The following ARHGEF3 variants were observed in gnomAD, a reference collection of about 807,000 sequenced individuals.
ARHGEF3 encodes the protein Rho guanine nucleotide exchange factor 3, also known as 59.8 kDA protein.
ARHGEF3 carries 28 observed loss-of-function variants against 63.2 expected under a neutral mutation model. The ratio of observed to expected loss-of-function variants is 0.44; its 90% CI spans 0.33 to 0.61. The LOEUF (loss-of-function observed/expected upper bound fraction) is 0.61. ARHGEF3 is among the 20% of genes least tolerant of loss of function. The pLI is 0.03. For synonymous variants in ARHGEF3, 266 were observed against 254.2 expected (o/e 1.05, Z -0.44); for missense variants, 533 against 659.3 (o/e 0.81, Z 2.10).
intron 2 of ARHGEF3, among the ~76,000 whole-genome samples, chr3:57,028,745 G>C (rs1240098556): frequency 8.8e-6 from 1 of 113,376 alleles, no homozygotes; most frequent in African/African-American, 3.5e-5. Context: ...TTCCTCATCT[G>C]TAAAACGGGG....
At chr3:56,904,977 T>C (rs2041638791) in intron 3 of ARHGEF3, among the ~76,000 whole-genome samples, 1 of 152,186 alleles carries the variant, frequency 6.6e-6, no homozygotes, top group Non-Finnish European at 1.5e-5. Flanking sequence ...TGCTCTTTAA[T>C]ACACCGAATA....
intron 3 of ARHGEF3, among the ~76,000 whole-genome samples, chr3:56,910,302 T>G (rs2041821979): frequency 6.6e-6 from 1 of 152,216 alleles, no homozygotes; most frequent in African/African-American, 2.4e-5. Flanking sequence ...AAGACCCATA[T>G]TTTGGCCACC....
chr3:56,830,335 G>A (rs2038887501), intron 4 of ARHGEF3, among the ~76,000 whole-genome samples: 1 of 152,056 alleles, frequency 6.6e-6, no homozygotes, highest in Non-Finnish European at 1.5e-5. Context: ...CGTGTGCTAA[G>A]TATTTCCCAC....
At position 56,829,973 on chromosome 3, in the gene ARHGEF3, C is replaced by T. The variant is rs138124366; in HGVS notation, c.192+52319G>A. 4.3e-3 allele frequency among the ~76,000 whole-genome samples: 660 copies of T among 152,300 alleles called. 7 individuals carry two copies. The highest frequency in any genetic ancestry group is 0.015 in the African/African-American group (621 of 41,538). The stretch of plus-strand genomic sequence containing the variant: ...AGTTTAGGATTTACTATCCGATGAT[C>T]GTGTTATGGCACTTCACAATGTCCT... On this transcript the variant is annotated intron_variant, in intron 4 of 12. Coordinates refer to the ARHGEF3 transcript ENST00000338458.
chr3:56,737,664 A>G (rs188903203), intron 7 of ARHGEF3, among the ~76,000 whole-genome samples: 63 of 152,334 alleles, frequency 4.1e-4, no homozygotes, highest in Non-Finnish European at 8.4e-4. Context: ...TCCAGGCTGC[A>G]TATTTCTTAA....
intron 4 of ARHGEF3, among the ~76,000 whole-genome samples, chr3:56,826,940 A>AT (rs1027824679): frequency 2.0e-5 from 3 of 151,932 alleles, no homozygotes; most frequent in East Asian, 3.8e-4. Context: ...TTATTTTTTA[A>AT]TTTTTTTTCA....
intron 3 of ARHGEF3, among the ~76,000 whole-genome samples, chr3:56,935,552 T>C (rs1326158648): frequency 6.6e-6 from 1 of 152,124 alleles, no homozygotes; most frequent in East Asian, 1.9e-4. Context: ...ATCTGCAGCT[T>C]CACTCCTGAG....
intron 6 of ARHGEF3, among the ~76,000 whole-genome samples, chr3:56,746,848 C>G (rs1021417293): frequency 6.6e-6 from 1 of 152,084 alleles, no homozygotes; most frequent in Non-Finnish European, 1.5e-5. Context: ...TGACTGAAAC[C>G]ATAAAAAGGA....
At chr3:57,069,972 A>C (rs1705794167) in intron 1 of ARHGEF3, among the ~76,000 whole-genome samples, 1 of 152,120 alleles carries the variant, frequency 6.6e-6, no homozygotes, top group Non-Finnish European at 1.5e-5. Context: ...ATGTGATATT[A>C]CTCCCTTTTT....
intron 4 of ARHGEF3, among the ~76,000 whole-genome samples, chr3:56,875,279 G>A (rs1430174371): frequency 6.6e-6 from 1 of 152,116 alleles, no homozygotes. Context: ...CATAAGGAAG[G>A]ACTCTATAGC....
At chr3:56,989,960 C>T (rs150187695) in intron 2 of ARHGEF3, among the ~76,000 whole-genome samples, 41 of 152,314 alleles carry the variant, frequency 2.7e-4, no homozygotes, top group African/African-American at 8.4e-4. Flanking sequence ...CTCATGACCA[C>T]GCTATGGGAC....
At chr3:57,007,100 C>T (rs1399128089) in intron 2 of ARHGEF3, 1 of 1,145,634 alleles carries the variant, frequency 8.7e-7, no homozygotes, top group East Asian at 5.8e-5. Context: ...ATGTGAAACC[C>T]AGCAAGGTGT....
intron 2 of ARHGEF3, among the ~76,000 whole-genome samples, chr3:57,014,114 G>A (rs533256838): frequency 2.0e-5 from 3 of 151,970 alleles, no homozygotes; most frequent in Admixed American, 6.6e-5. Flanking sequence ...AACTCCAGAC[G>A]TGACCCCTTA....
At chr3:56,760,753 A>C (rs1367321215) in intron 2 of ARHGEF3, among the ~76,000 whole-genome samples, 1 of 152,174 alleles carries the variant, frequency 6.6e-6, no homozygotes, top group Admixed American at 6.5e-5. Context: ...ATTTTGGGGA[A>C]GTTTCAATGA....
At chr3:56,756,120 G>A (rs1578423013) in intron 2 of ARHGEF3, among the ~76,000 whole-genome samples, 1 of 152,332 alleles carries the variant, frequency 6.6e-6, no homozygotes, top group South Asian at 2.1e-4. Context: ...GTCCACCTGT[G>A]TGACTTAAAC....
chr3:56,968,911 G>A (rs571486046), intron 2 of ARHGEF3, among the ~76,000 whole-genome samples: 47 of 152,220 alleles, frequency 3.1e-4, no homozygotes, highest in Middle Eastern at 3.4e-3. Flanking sequence ...AAGGCATTCC[G>A]TTTCCAATAA....
At chr3:56,806,047 T>C (rs1185057216), upstream of ARHGEF3, among the ~76,000 whole-genome samples, 1 of 152,218 alleles carries the variant, frequency 6.6e-6, no homozygotes, top group African/African-American at 2.4e-5. Context: ...AGGAGTATTT[T>C]TTTTTAACTT....
At chr3:56,729,728 T>C in intron 9 of ARHGEF3, 106 bp from the exon 10 acceptor site, 1 of 949,940 alleles carries the variant, frequency 1.1e-6, no homozygotes, top group South Asian at 1.7e-5. Flanking sequence ...TGGCAGGTAT[T>C]GCTGATAACA....
chr3:56,894,156 T>A (rs1290738190), intron 3 of ARHGEF3, among the ~76,000 whole-genome samples: 1 of 152,182 alleles, frequency 6.6e-6, no homozygotes, highest in Non-Finnish European at 1.5e-5. Context: ...GGCTGGCAGA[T>A]AAATAATCCA....
Sources: allele counts gnomAD v4.1 joint callset (sites outside exome capture counted in the v4.1 genomes callset), GRCh38; gene constraint gnomAD v4.1.1; transcripts MANE v1.5; gene names NCBI Gene and HGNC (gene_info 2026-07-23, HGNC 2026-07-21).